Variants in SCIN observed in about 807,000 individuals in gnomAD.
SCIN encodes adseverin.
SCIN carries 91 observed loss-of-function variants against 91.8 expected under a neutral mutation model. The observed-to-expected ratio is 0.99, with a 90% CI of 0.84 to 1.18. SCIN has a LOEUF of 1.18. SCIN is among the 50% of genes most tolerant of loss of function. The probability of loss-of-function intolerance (pLI) is 0.00; values close to 1 mark genes in which losing one functional copy is unlikely to be tolerated. For synonymous variants in SCIN, 367 were observed against 312.6 expected (o/e 1.17, Z -1.84); for missense variants, 1,087 against 863.9 (o/e 1.26, Z -3.24).
chr7:12,575,970 A>G (rs1410880323), intron 1 of SCIN, among the ~76,000 whole-genome samples: 2 of 152,156 alleles, frequency 1.3e-5, no homozygotes, highest in Non-Finnish European at 2.9e-5. Flanking sequence ...ACATTACATA[A>G]GCATCAGCAA....
chr7:12,650,707 A>C (rs1193872029), intron 14 of SCIN, among the ~76,000 whole-genome samples: 1 of 152,184 alleles, frequency 6.6e-6, no homozygotes, highest in Non-Finnish European at 1.5e-5. Flanking sequence ...CACACTTGAC[A>C]AGGAGGAGGA....
At chr7:12,649,284 A>G (rs1351376714) in intron 13 of SCIN, among the ~76,000 whole-genome samples, 183 bp from the exon 14 acceptor site, 1 of 152,194 alleles carries the variant, frequency 6.6e-6, no homozygotes, top group African/African-American at 2.4e-5. Context: ...ATAAAATACT[A>G]CTAGTTTGTG....
chr7:12,629,007 T>A, intron 8 of SCIN, 94 bp from the exon 9 acceptor site: 1 of 1,068,050 alleles, frequency 9.4e-7, no homozygotes, highest in Non-Finnish European at 1.3e-6. Context: ...AGTTGTTTAA[T>A]AATGGATTTG....
At chr7:12,608,333 A>ACACACG (rs1783122230) in intron 4 of SCIN, among the ~76,000 whole-genome samples, 1 of 151,898 alleles carries the variant, frequency 6.6e-6, no homozygotes, top group Non-Finnish European at 1.5e-5. Context: ...ACACACACAC[A>ACACACG]CACACACACA....
intron 7 of SCIN, 23 bp downstream of exon 7, chr7:12,625,873 T>C (rs938515465): frequency 6.0e-6 from 9 of 1,511,818 alleles, no homozygotes; most frequent in Non-Finnish European, 8.2e-6. Flanking sequence ...CTGAACTGGC[T>C]AGAAAAAAAT....
Position 12,604,532 on chromosome 7 carries a change from G to T in SCIN, c.535G>T (p.Gly179Cys). 1 of 1,551,634 alleles carries T rather than the reference G, an allele frequency of 6.4e-7. No individual in the cohort carries two copies. The change falls in exon 4 of 16, where the codon GGT becomes TGT. Residue 179 changes from glycine (G) to cysteine (C), a missense_variant. Gly to Cys is a radical substitution (Grantham distance 159). Transcript: ENST00000297029. ...CTTTTAGGAAATTTATCAGTGGTGT[G>T]GTTCCTCGTGCAACAAATATGAACG... is the stretch of plus-strand genomic sequence containing the variant. Reference protein sequence around the residue: ...DLGTEIYQWCGSSCNKYERLK... With the variant: ...DLGTEIYQWCCSSCNKYERLK...
chr7:12,636,117 T>C lies in SCIN; in HGVS notation c.1392T>C (p.Leu464=), dbSNP rs1206008100. Reference sequence around the variant, plus strand: ...TGACTGTTCAGTTGGATCGGTCCCTTGGAGGACAGGCTGTGCAGGTTGGGA... The same window carrying C: ...TGACTGTTCAGTTGGATCGGTCCCTCGGAGGACAGGCTGTGCAGGTTGGGA... The part of the protein sequence containing the change: ...AFLTVQLDRS[L]GGQAVQIRVS... Residue 464 remains leucine, a synonymous_variant, in exon 10 of 16, where the codon CTT becomes CTC. Coordinates refer to ENST00000297029, the MANE Select transcript of SCIN (RefSeq NM_001112706.3). 2.5e-6 allele frequency: 4 copies of C among 1,612,824 alleles called. No homozygotes were observed. Among genetic ancestry groups the C allele is most frequent in the South Asian group, 1.1e-5 (1 of 90,698 alleles).
At chr7:12,622,965 G>T in intron 5 of SCIN, 72 bp downstream of exon 5, 1 of 1,055,868 alleles carries the variant, frequency 9.5e-7, no homozygotes, top group South Asian at 1.5e-5. Flanking sequence ...TATTGGGCGG[G>T]ATTCCCGTTG....
intron 3 of SCIN, among the ~76,000 whole-genome samples, chr7:12,594,951 G>T (rs1280927886): frequency 6.6e-6 from 1 of 152,088 alleles, no homozygotes; most frequent in Non-Finnish European, 1.5e-5. Context: ...GGTGGATGAG[G>T]TGGCCAACAA....
chr7:12,581,341 A>G, intron 3 of SCIN, 120 bp downstream of exon 3: 14 of 945,990 alleles, frequency 1.5e-5, no homozygotes, highest in Non-Finnish European at 2.2e-5. Context: ...GGCCACGTTT[A>G]TGTGAGCTGA....
intron 3 of SCIN, among the ~76,000 whole-genome samples, chr7:12,587,774 T>C (rs1167382844): frequency 1.3e-5 from 2 of 152,134 alleles, no homozygotes; most frequent in African/African-American, 2.4e-5. Flanking sequence ...TTCTCAAAGA[T>C]TGATTGCTTT....
intron 4 of SCIN, among the ~76,000 whole-genome samples, chr7:12,616,221 C>A (rs373276188): frequency 6.6e-6 from 1 of 152,024 alleles, no homozygotes; most frequent in African/African-American, 2.4e-5. Context: ...GAAGCCCCAG[C>A]GGTGAGAGGA....
intron 14 of SCIN, among the ~76,000 whole-genome samples, chr7:12,649,863 C>T (rs1784044155): frequency 6.6e-6 from 1 of 152,124 alleles, no homozygotes; most frequent in Non-Finnish European, 1.5e-5. Context: ...TTCGTGTGTA[C>T]AGTGTCATGG....
intron 11 of SCIN, among the ~76,000 whole-genome samples, chr7:12,641,749 C>A (rs546109373): frequency 6.6e-6 from 1 of 152,252 alleles, no homozygotes; most frequent in Non-Finnish European, 1.5e-5. Context: ...TGGCAATTCT[C>A]CAGGCCTATA....
chr7:12,623,207 T>G (rs1783446293), intron 5 of SCIN, among the ~76,000 whole-genome samples: 1 of 152,154 alleles, frequency 6.6e-6, no homozygotes, highest in African/African-American at 2.4e-5. Context: ...CTTTATGGAG[T>G]AAAAATATTT....
intron 10 of SCIN, 56 bp from the exon 11 acceptor site, chr7:12,640,291 C>T (rs182535565): frequency 2.1e-6 from 3 of 1,404,398 alleles, no homozygotes; most frequent in Admixed American, 2.8e-5. Flanking sequence ...GGAACTAAAA[C>T]CTTCTTTCAC....
chr7:12,570,758 C>CTTGGGTTTA lies in SCIN; in HGVS notation c.-29_-28insTTGGGTTTA. 6.5e-7 allele frequency: 1 copy of CTTGGGTTTA among 1,544,518 alleles called. No homozygotes were observed. Among genetic ancestry groups the CTTGGGTTTA allele is most frequent in the Non-Finnish European group, 8.7e-7 (1 of 1,143,602 alleles). The stretch of plus-strand genomic sequence containing the variant: ...TTAGTCCAAGATCAGCGATATCACG[C>CTTGGGTTTA]GTCCCCCGGAGCATCGCGTGCAGGA... On this transcript the variant is annotated 5_prime_UTR_variant, in exon 1 of 16. Coordinates refer to ENST00000297029, the MANE Select transcript of SCIN (RefSeq NM_001112706.3).
intron 1 of SCIN, among the ~76,000 whole-genome samples, chr7:12,576,435 T>C (rs946896450): frequency 4.6e-5 from 7 of 151,924 alleles, no homozygotes; most frequent in Admixed American, 4.6e-4. Flanking sequence ...AAGAGGGAAA[T>C]TGTAAGGAAA....
At chr7:12,590,144 G>C (rs4361677) in intron 3 of SCIN, among the ~76,000 whole-genome samples, 86,221 of 152,036 alleles carry the variant, frequency 0.57, 25,198 homozygotes, top group African/African-American at 0.72. Context: ...GAGACCAAAT[G>C]TAGGGATGAT....
Sources: allele counts gnomAD v4.1 joint callset (sites outside exome capture counted in the v4.1 genomes callset), GRCh38; gene constraint gnomAD v4.1.1; transcripts MANE v1.5; gene names NCBI Gene and HGNC (gene_info 2026-07-23, HGNC 2026-07-21).